MAGI2: variants seen among roughly 807,000 people sequenced by gnomAD.
The protein encoded by MAGI2 is membrane associated guanylate kinase, WW and PDZ domain containing 2.
In MAGI2, 35 loss-of-function variants were observed where a neutral mutation model predicts 133.3. That is an observed-to-expected ratio of 0.26 (90% CI 0.20 to 0.35). The LOEUF is 0.35. Ranked by LOEUF, MAGI2 falls within the 10% of genes least tolerant of loss-of-function variation. MAGI2 has a pLI of 1.00. For synonymous variants in MAGI2, 729 were observed against 710.6 expected, an observed-to-expected ratio of 1.03 and a Z score of -0.41; for missense variants, 1,636 against 1,863.4, an observed-to-expected ratio of 0.88 and a Z score of 2.25.
chr7:78,136,264 C>T (rs994940598), intron 16 of MAGI2, among the ~76,000 whole-genome samples: 3 of 152,030 alleles, frequency 2.0e-5, no homozygotes, highest in Non-Finnish European at 2.9e-5. Flanking sequence ...GGACTACAGG[C>T]GCCCGCGACC....
intron 1 of MAGI2, among the ~76,000 whole-genome samples, chr7:79,450,869 A>G (rs1048365802): frequency 2.0e-5 from 3 of 152,194 alleles, no homozygotes; most frequent in Non-Finnish European, 4.4e-5. Flanking sequence ...AAACTCTGTT[A>G]GAAAGCTCAT....
At chr7:78,195,541 C>T (rs1252547585) in intron 11 of MAGI2, among the ~76,000 whole-genome samples, 2 of 152,198 alleles carry the variant, frequency 1.3e-5, no homozygotes, top group South Asian at 2.1e-4. Context: ...CAACTTCCTA[C>T]GCTTGAGCAT....
chr7:79,235,385 C>T (rs1237671067), intron 1 of MAGI2, among the ~76,000 whole-genome samples: 2 of 152,182 alleles, frequency 1.3e-5, no homozygotes, highest in African/African-American at 2.4e-5. Context: ...GGGCGCCCCT[C>T]CCCCAGCCTC....
At chr7:78,813,567 C>G (rs1012329125) in intron 2 of MAGI2, among the ~76,000 whole-genome samples, 3 of 152,144 alleles carry the variant, frequency 2.0e-5, no homozygotes, top group Middle Eastern at 3.4e-3. Context: ...GGGCGGATCA[C>G]GAGGTCAGGA....
At chr7:78,109,328 A>AAAAAAAAG (rs1563132987) in intron 20 of MAGI2, among the ~76,000 whole-genome samples, 4 of 136,282 alleles carry the variant, frequency 2.9e-5, no homozygotes, top group Non-Finnish European at 6.3e-5. Context: ...AAAAAAAAAA[A>AAAAAAAAG]AAAAAAGAAA....
At chr7:78,858,096 T>G (rs1793820722) in intron 2 of MAGI2, among the ~76,000 whole-genome samples, 1 of 152,214 alleles carries the variant, frequency 6.6e-6, no homozygotes, top group African/African-American at 2.4e-5. Flanking sequence ...TCAGTGGTGA[T>G]ATCCCCTTTA....
At chr7:78,131,538 A>G (rs567906588) in intron 18 of MAGI2, among the ~76,000 whole-genome samples, 3 of 152,168 alleles carry the variant, frequency 2.0e-5, no homozygotes, top group Non-Finnish European at 4.4e-5. Flanking sequence ...TTCAGAAAAC[A>G]TTAGAATCAT....
At chr7:79,304,044 A>G (rs1177747425) in intron 1 of MAGI2, among the ~76,000 whole-genome samples, 1 of 152,174 alleles carries the variant, frequency 6.6e-6, no homozygotes, top group Admixed American at 6.6e-5. Flanking sequence ...AGAGAGGGAC[A>G]GAATCTCCAT....
intron 2 of MAGI2, among the ~76,000 whole-genome samples, chr7:78,763,222 A>G (rs1177179663): frequency 6.6e-6 from 1 of 152,206 alleles, no homozygotes; most frequent in African/African-American, 2.4e-5. Context: ...CTAATGAATC[A>G]ATCATAAAAG....
intron 2 of MAGI2, among the ~76,000 whole-genome samples, chr7:78,804,748 CAA>C (rs373472835): frequency 7.2e-5 from 7 of 97,726 alleles, no homozygotes; most frequent in South Asian, 3.1e-4. Context: ...GACTCTGTCT[CAA>C]AAAAAAAAAA....
In MAGI2 at chr7:78,252,101, G is replaced by GTAC. The variant is rs1000029628; in HGVS notation, c.2047+3839_2047+3841dup. The GTAC allele has an allele frequency of 4.8e-4, 69 of 144,110 alleles. 1 individual carries two copies. Among genetic ancestry groups the GTAC allele is most frequent in the African/African-American group, 1.7e-3 (65 of 38,572 alleles). 8.9% of individuals were successfully genotyped at this position (144,110 alleles called of 1,614,324 possible). On this transcript the variant is annotated intron_variant, in intron 10 of 21. Coordinates refer to ENST00000354212, the MANE Select transcript of MAGI2 (RefSeq NM_012301.4). ...TGCAGTGAGCTATGATTGCACCACTGTACTGTAGCTTATGCAACAGAGTGA... is the reference window on the plus strand; with the variant it reads ...TGCAGTGAGCTATGATTGCACCACTGTACTACTGTAGCTTATGCAACAGAGTGA...
intron 1 of MAGI2, among the ~76,000 whole-genome samples, chr7:79,436,851 T>C (rs2129192290): frequency 6.6e-6 from 1 of 152,242 alleles, no homozygotes; most frequent in South Asian, 2.1e-4. Context: ...ACTGGGTATA[T>C]ACCTAACAAA....
intron 21 of MAGI2, among the ~76,000 whole-genome samples, chr7:78,073,280 G>T (rs1054131875): frequency 6.6e-6 from 1 of 151,832 alleles, no homozygotes. Context: ...AAATGAAAGC[G>T]TAGGCAGAAG....
At chr7:78,300,927 G>A (rs377039443) in intron 9 of MAGI2, among the ~76,000 whole-genome samples, 1 of 152,114 alleles carries the variant, frequency 6.6e-6, no homozygotes, top group African/African-American at 2.4e-5. Flanking sequence ...TTATCAAAGA[G>A]GATGGTAGCC....
intron 6 of MAGI2, among the ~76,000 whole-genome samples, chr7:78,375,864 A>C (rs1209136406): frequency 2.6e-5 from 4 of 152,126 alleles, no homozygotes; most frequent in Admixed American, 1.3e-4. Context: ...AATATAAGTG[A>C]GTTTAAAATA....
intron 1 of MAGI2, among the ~76,000 whole-genome samples, chr7:79,383,973 A>G (rs138609006): frequency 9.1e-4 from 138 of 151,708 alleles, no homozygotes; most frequent in African/African-American, 3.3e-3. Flanking sequence ...AATATATTCT[A>G]GGAAGAGACA....
At chr7:78,282,528 A>ATCTATCTC (rs1405066942) in intron 9 of MAGI2, among the ~76,000 whole-genome samples, 1 of 151,858 alleles carries the variant, frequency 6.6e-6, no homozygotes, top group East Asian at 1.9e-4. Flanking sequence ...AATATTTACT[A>ATCTATCTC]TCTATCTATC....
rs561875715 is a variant in MAGI2 at position 78,549,037 on chromosome 7, A to G, written c.539-27392T>C. Among the ~76,000 whole-genome samples the G allele has an allele frequency of 3.3e-5, 5 of 152,376 alleles. 1 individual carries two copies. In the South Asian group the frequency reaches 1.0e-3, roughly 32 times the overall value. On this transcript the variant is annotated intron_variant, in intron 3 of 21. Coordinates refer to ENST00000354212, the MANE Select transcript of MAGI2 (RefSeq NM_012301.4). ...AAAGTTTCTCTTCTTATTTTCTATA[A>G]ATAGATTGCTAATAAGTTTAAACTA...
At chr7:78,492,850 G>A (rs1287288545) in intron 5 of MAGI2, among the ~76,000 whole-genome samples, 1 of 152,102 alleles carries the variant, frequency 6.6e-6, no homozygotes, top group African/African-American at 2.4e-5. Context: ...GGCTACATTT[G>A]CACATAAACT....
Sources: allele counts gnomAD v4.1 joint callset (sites outside exome capture counted in the v4.1 genomes callset), GRCh38; gene constraint gnomAD v4.1.1; transcripts MANE v1.5; gene names NCBI Gene and HGNC (gene_info 2026-07-23, HGNC 2026-07-21).